The following PLEKHG1 variants were observed in gnomAD, a reference collection of about 807,000 sequenced individuals.
PLEKHG1 encodes the protein pleckstrin homology and RhoGEF domain containing G1, also known as pleckstrin homology domain-containing family G member 1.
In PLEKHG1, 44 loss-of-function variants were observed where a neutral mutation model predicts 100.8. That is an observed-to-expected ratio of 0.44 (90% CI 0.34 to 0.56). The LOEUF (loss-of-function observed/expected upper bound fraction) is 0.56. Among genes scored for constraint, PLEKHG1 ranks in the 20% least tolerant of loss-of-function variants. The pLI is 0.01. For synonymous variants in PLEKHG1, 640 were observed against 662.5 expected, an observed-to-expected ratio of 0.97 and a Z score of 0.52; for missense variants, 1,545 against 1,720.9, an observed-to-expected ratio of 0.90 and a Z score of 1.81.
intron 3 of PLEKHG1, among the ~76,000 whole-genome samples, chr6:150,781,951 T>G (rs1386224057): frequency 6.6e-6 from 1 of 151,222 alleles, no homozygotes; most frequent in East Asian, 2.0e-4. Context: ...TTTTTTTTTT[T>G]GTATTTTCAG....
intron 2 of PLEKHG1, among the ~76,000 whole-genome samples, chr6:150,755,418 G>A (rs1249377065): frequency 6.6e-6 from 1 of 152,074 alleles, no homozygotes; most frequent in Non-Finnish European, 1.5e-5. Context: ...AATGGTGGGG[G>A]GATAATTCTT....
At chr6:150,667,656 G>GA (rs1219507415) in intron 3 of PLEKHG1, among the ~76,000 whole-genome samples, 1 of 152,150 alleles carries the variant, frequency 6.6e-6, no homozygotes, top group African/African-American at 2.4e-5. Flanking sequence ...ATATTTTCCT[G>GA]CATTGAATTT....
intron 3 of PLEKHG1, among the ~76,000 whole-genome samples, chr6:150,666,834 C>T (rs867664015): frequency 6.6e-6 from 1 of 151,480 alleles, no homozygotes; most frequent in African/African-American, 2.4e-5. Flanking sequence ...AATCTCGGCT[C>T]ACTGCAATCT....
intron 1 of PLEKHG1, among the ~76,000 whole-genome samples, chr6:150,635,519 C>T (rs1020412411): frequency 3.9e-5 from 6 of 152,204 alleles, no homozygotes; most frequent in Non-Finnish European, 7.3e-5. Flanking sequence ...TGTTTCTAAT[C>T]TCAGCTGTCT....
rs768960776 is a variant in PLEKHG1, at chr6:150,840,329, C to G, written c.3591C>G (p.Asn1197Lys). Residue 1197 changes from asparagine (N) to lysine (K), a missense_variant, in exon 16 of 16, where the codon AAC becomes AAG. Coordinates refer to ENST00000358517, the Ensembl canonical transcript of PLEKHG1. ...TCAACAAATCAATGGATTCCATCAA[C>G]TACCCTAGTGATGTGGGAAAGCAGC... is the stretch of plus-strand genomic sequence containing the variant. 6.8e-6 allele frequency: 11 copies of G among 1,614,140 alleles called. No homozygotes were observed. In the South Asian group the frequency reaches 1.1e-4, roughly 16 times the overall value.
At chr6:150,669,877 C>T (rs987800415) in intron 3 of PLEKHG1, among the ~76,000 whole-genome samples, 34 of 152,128 alleles carry the variant, frequency 2.2e-4, no homozygotes, top group African/African-American at 6.5e-4. Context: ...GGATTACAGG[C>T]GTGAGCCACC....
intron 10 of PLEKHG1, among the ~76,000 whole-genome samples, chr6:150,817,062 T>C (rs1173131278): frequency 1.3e-5 from 2 of 152,248 alleles, no homozygotes; most frequent in African/African-American, 4.8e-5. Flanking sequence ...CACCTCCTGC[T>C]GTGCGGCCCA....
chr6:150,651,659 G>C (rs1778741938), intron 3 of PLEKHG1, among the ~76,000 whole-genome samples: 1 of 149,380 alleles, frequency 6.7e-6, no homozygotes, highest in Non-Finnish European at 1.5e-5. Flanking sequence ...AGGAGTTCGA[G>C]ACCAGCCTGG....
intron 1 of PLEKHG1, among the ~76,000 whole-genome samples, chr6:150,633,473 C>T (rs938277076): frequency 1.1e-4 from 17 of 152,148 alleles, no homozygotes; most frequent in African/African-American, 3.9e-4. Flanking sequence ...GGGAATCAGG[C>T]AGAGTGCAGA....
exon 16 of PLEKHG1, chr6:150,840,706 C>A: frequency 1.2e-6 from 2 of 1,614,190 alleles, no homozygotes; most frequent in South Asian, 1.1e-5. Context: ...ACATTGCATT[C>A]TTTGAATAGT....
At chr6:150,610,762 G>C (rs988256707) in intron 1 of PLEKHG1, among the ~76,000 whole-genome samples, 1 of 152,200 alleles carries the variant, frequency 6.6e-6, no homozygotes, top group Non-Finnish European at 1.5e-5. Flanking sequence ...TGGGAGTCAA[G>C]TAACTCCATT....
chr6:150,775,864 T>C (rs1359241556), intron 3 of PLEKHG1, among the ~76,000 whole-genome samples: 3 of 152,140 alleles, frequency 2.0e-5, no homozygotes, highest in African/African-American at 7.2e-5. Flanking sequence ...TTTTTTCAAC[T>C]GGACTTTTCC....
intron 5 of PLEKHG1, among the ~76,000 whole-genome samples, chr6:150,796,818 A>G (rs992944133): frequency 3.9e-5 from 6 of 152,244 alleles, no homozygotes; most frequent in Admixed American, 2.0e-4. Context: ...TAGCTGATGA[A>G]TGGCCCAGCT....
In PLEKHG1 at chr6:150,683,741, G is replaced by C; in HGVS notation, c.-99+32955G>C. 7.9e-7 allele frequency: 1 copy of C among 1,270,236 alleles called. No homozygotes were observed. Among genetic ancestry groups the C allele is most frequent in the African/African-American group, 1.5e-5 (1 of 65,178 alleles). 78.7% of individuals were successfully genotyped at this position (1,270,236 alleles called of 1,614,324 possible). On this transcript the variant is annotated intron_variant, in intron 3 of 3. Coordinates refer to the PLEKHG1 transcript ENST00000367326. The surrounding 1 kb of genome is among the most constrained non-coding windows in gnomAD (Gnocchi z 4.0). Reference sequence around the variant, plus strand: ...GGACCCCTCTGCGCTAGTATCCAGGGCATAGGACGTCTGAAGGAAAGATGG... The same window carrying C: ...GGACCCCTCTGCGCTAGTATCCAGGCCATAGGACGTCTGAAGGAAAGATGG...
exon 16 of PLEKHG1, chr6:150,840,771 A>G: frequency 6.2e-7 from 1 of 1,614,194 alleles, no homozygotes; most frequent in Non-Finnish European, 8.5e-7. Flanking sequence ...ACCATATCTG[A>G]CACCATATAA....
chr6:150,809,764 G>T, intron 10 of PLEKHG1, 30 bp downstream of exon 11: 1 of 1,519,410 alleles, frequency 6.6e-7, no homozygotes, highest in Non-Finnish European at 9.1e-7. Context: ...ACAGTGAAAT[G>T]GGAGAGAGAT....
intron 3 of PLEKHG1, among the ~76,000 whole-genome samples, chr6:150,779,344 G>GTTTGTTTGTTTTTTTTT (rs1257363893): frequency 1.8e-4 from 19 of 104,540 alleles, no homozygotes; most frequent in African/African-American, 7.7e-4. Flanking sequence ...TTGTCAAGAA[G>GTTTGTTTGTTTTTTTTT]TTTTTTTTTT....
rs147136362 is a variant in PLEKHG1, at chr6:150,732,930, CTCTA to C, written c.-98-650_-98-647del. Among the ~76,000 whole-genome samples, 1,387 of 152,306 alleles carry C rather than the reference CTCTA, an allele frequency of 9.1e-3. 27 individuals are homozygous for C. Among genetic ancestry groups the C allele is most frequent in the African/African-American group, 0.031 (1,289 of 41,570 alleles). On this transcript the variant is annotated intron_variant, in intron 1 of 15. Transcript: ENST00000358517. ...TGAAACATCATTATGCTGTGTATGA[CTCTA>C]TCTTTTTCTTGCCTAGTATTAGAAA...
chr6:150,759,290 A>T (rs140306607), intron 2 of PLEKHG1, among the ~76,000 whole-genome samples: 4 of 152,156 alleles, frequency 2.6e-5, no homozygotes, highest in African/African-American at 9.7e-5. Context: ...CCGCATGTGA[A>T]TGGGACTGAT....
Sources: gnomAD v4.1 joint callset for allele counts (sites outside exome capture counted in the v4.1 genomes callset) on GRCh38, gnomAD v4.1.1 for gene constraint, Gnocchi (gnomAD v3.1) non-coding constraint, MANE v1.5 for transcripts, NCBI Gene and HGNC (gene_info 2026-07-23, HGNC 2026-07-21) for gene names.